Variants in CCDC102B observed in about 807,000 individuals in gnomAD.
CCDC102B encodes the protein coiled-coil domain containing 102B, also known as coiled-coil domain-containing protein 102B.
Under a neutral mutation model 57.4 loss-of-function variants are expected in CCDC102B, and 75 were observed. The observed-to-expected ratio is 1.31, with a 90% confidence interval of 1.08 to 1.58. CCDC102B has a LOEUF of 1.58. CCDC102B is among the 40% of genes most tolerant of loss of function. The pLI is 0.00. For missense variants in CCDC102B, 636 were observed against 582.6 expected (o/e 1.09, Z -0.94); for synonymous variants, 206 against 201.9 (o/e 1.02, Z -0.17).
At chr18:68,743,963 ATTTTGGATTTAAATTC>A (rs2033514249) in intron 2 of CCDC102B, among the ~76,000 whole-genome samples, 1 of 152,124 alleles carries the variant, frequency 6.6e-6, no homozygotes, top group African/African-American at 2.4e-5. Context: ...AGACATTTTT[ATTTTGGATTTAAATTC>A]TTTTGGATTT....
At chr18:68,897,498 C>G in intron 6 of CCDC102B, 70 bp downstream of exon 6, 24 of 1,557,474 alleles carry the variant, frequency 1.5e-5, no homozygotes, top group Non-Finnish European at 2.1e-5. Context: ...AGTCTGTCTT[C>G]ACTCGTACAC....
chr18:68,846,033 C>A (rs1261552237), intron 3 of CCDC102B, among the ~76,000 whole-genome samples: 1 of 151,600 alleles, frequency 6.6e-6, no homozygotes, highest in Non-Finnish European at 1.5e-5. Flanking sequence ...AATTGAGAGG[C>A]AAGCATGAAA....
At chr18:68,799,777 C>A (rs1444102636) in intron 1 of CCDC102B, among the ~76,000 whole-genome samples, 1 of 152,078 alleles carries the variant, frequency 6.6e-6, no homozygotes, top group Non-Finnish European at 1.5e-5. Context: ...CACAAATTAG[C>A]ATAGAGCATA....
At chr18:68,990,472 G>A (rs117802286) in intron 6 of CCDC102B, among the ~76,000 whole-genome samples, 1 of 152,260 alleles carries the variant, frequency 6.6e-6, no homozygotes, top group East Asian at 1.9e-4. Flanking sequence ...TAAGAGCTTA[G>A]GTAAAGCTGG....
intron 6 of CCDC102B, among the ~76,000 whole-genome samples, chr18:68,916,380 C>T (rs2041074543): frequency 6.6e-6 from 1 of 152,214 alleles, no homozygotes; most frequent in African/African-American, 2.4e-5. Flanking sequence ...TCCATGATCA[C>T]TCAACCTTAG....
chr18:68,765,561 A>G (rs2034444078), intron 2 of CCDC102B, among the ~76,000 whole-genome samples: 1 of 152,122 alleles, frequency 6.6e-6, no homozygotes, highest in South Asian at 2.1e-4. Flanking sequence ...AAGGGACTAT[A>G]GTAATTTTTA....
intron 4 of CCDC102B, among the ~76,000 whole-genome samples, chr18:68,863,702 T>C (rs1018220105): frequency 2.0e-5 from 3 of 152,014 alleles, no homozygotes; most frequent in Non-Finnish European, 4.4e-5. Flanking sequence ...TTCTTCAATG[T>C]TGATCAAATT....
chr18:68,840,731 A>G (rs1047761798), intron 3 of CCDC102B, among the ~76,000 whole-genome samples: 5 of 152,222 alleles, frequency 3.3e-5, no homozygotes, highest in African/African-American at 9.6e-5. Flanking sequence ...TCCCCAGTGC[A>G]GTCTAATAGG....
Position 68,837,137 on chromosome 18 carries a change from T to A in CCDC102B, c.374T>A (p.Ile125Lys), listed in dbSNP as rs1477639454. The change falls in exon 2 of 8, where the codon ATA becomes AAA. Residue 125 changes from isoleucine (I) to lysine (K), a missense_variant. By Grantham distance (102) the Ile-to-Lys change is moderately radical. Transcript: ENST00000360242. ...AGGGAGGAAGGAAGACAACTCAGAATAAAACTAGAGATGGCGATGAAAGAA... is the reference window on the plus strand; with the variant it reads ...AGGGAGGAAGGAAGACAACTCAGAAAAAAACTAGAGATGGCGATGAAAGAA... ...SAREEGRQLR[I>K]KLEMAMKELS... is the part of the protein sequence containing the mutation. 2.5e-6 allele frequency: 4 copies of A among 1,613,792 alleles called. No homozygotes were observed. The highest frequency in any genetic ancestry group is 3.4e-6 in the Non-Finnish European group (4 of 1,179,966).
chr18:68,908,931 T>A (rs2145062588), intron 6 of CCDC102B, among the ~76,000 whole-genome samples: 2 of 152,160 alleles, frequency 1.3e-5, no homozygotes, highest in Middle Eastern at 6.8e-3. Context: ...CTTGTACTGA[T>A]CCAGATCAAT....
At chr18:68,862,846 G>T (rs1297763793) in intron 4 of CCDC102B, among the ~76,000 whole-genome samples, 1 of 151,878 alleles carries the variant, frequency 6.6e-6, no homozygotes, top group African/African-American at 2.4e-5. Context: ...ATACTATAAT[G>T]AACCCCAACG....
chr18:68,954,034 A>G (rs2049774124), intron 6 of CCDC102B, among the ~76,000 whole-genome samples: 1 of 152,154 alleles, frequency 6.6e-6, no homozygotes, highest in Admixed American at 6.6e-5. Context: ...TAGGGGAAGA[A>G]AATTTTAGTT....
In CCDC102B at chr18:68,932,996, G is replaced by T. The variant is rs572970458; in HGVS notation, c.1263+35568G>T. On this transcript the variant is annotated intron_variant, in intron 6 of 7. Transcript: ENST00000360242. ...TAGTATTTTTGACTAAAAATATAGT[G>T]CACATTCATGTTTTTAAATCTGTTT... 4.0e-5 allele frequency among the ~76,000 whole-genome samples: 6 copies of T among 151,810 alleles called. No individual in the cohort carries two copies. The East Asian group carries it at 9.7e-4, about 25-fold the overall frequency.
intron 4 of CCDC102B, among the ~76,000 whole-genome samples, chr18:68,853,085 A>C (rs1038021423): frequency 2.0e-5 from 3 of 152,174 alleles, no homozygotes; most frequent in Admixed American, 2.0e-4. Context: ...TCTGATTGAC[A>C]TGAAGGAAAT....
chr18:68,808,237 CAT>C (rs566691175), intron 1 of CCDC102B, among the ~76,000 whole-genome samples: 340 of 152,102 alleles, frequency 2.2e-3, no homozygotes, highest in Non-Finnish European at 3.7e-3. Context: ...TAGAACAAAA[CAT>C]GTGATGGATA....
chr18:68,812,545 T>C (rs2036308403), intron 1 of CCDC102B, among the ~76,000 whole-genome samples: 2 of 152,166 alleles, frequency 1.3e-5, no homozygotes, highest in Admixed American at 1.3e-4. Context: ...AGCGTCTCTA[T>C]AGTTTAGAGG....
At chr18:68,832,847 C>T (rs2037204124) in intron 1 of CCDC102B, among the ~76,000 whole-genome samples, 1 of 151,754 alleles carries the variant, frequency 6.6e-6, no homozygotes, top group Non-Finnish European at 1.5e-5. Context: ...TGAGGTTGTG[C>T]AAGGAATGGA....
At chr18:68,827,420 A>G (rs992166902) in intron 1 of CCDC102B, among the ~76,000 whole-genome samples, 8 of 152,122 alleles carry the variant, frequency 5.3e-5, no homozygotes, top group Non-Finnish European at 1.2e-4. Context: ...ACTTGAAGTG[A>G]TGAAATGTTG....
rs141534479 is a variant in CCDC102B at position 68,878,377 on chromosome 18, C to T, written c.1053+3592C>T. ...CCTCCCAAAGTGCTGGGATTACAGG[C>T]GTGAGCCACCACGCCTGGGCTAGAT... On this transcript the variant is annotated intron_variant, in intron 5 of 7. Transcript: ENST00000360242. 5.6e-4 allele frequency among the ~76,000 whole-genome samples: 85 copies of T among 152,242 alleles called. No individual in the cohort carries two copies. In the East Asian group the frequency reaches 0.011, roughly 19 times the overall value.
Sources: gnomAD v4.1 joint callset for allele counts (sites outside exome capture counted in the v4.1 genomes callset) on GRCh38, gnomAD v4.1.1 for gene constraint, MANE v1.5 for transcripts, NCBI Gene and HGNC (gene_info 2026-07-23, HGNC 2026-07-21) for gene names.